Variants in B3GAT2 observed in about 807,000 individuals in gnomAD.
B3GAT2 encodes the protein galactosylgalactosylxylosylprotein 3-beta-glucuronosyltransferase 2.
In B3GAT2, 26 loss-of-function variants were observed where a neutral mutation model predicts 27.8. The observed-to-expected ratio is 0.93, with a 90% CI of 0.68 to 1.30. The LOEUF is 1.30. Ranked by LOEUF, B3GAT2 falls within the 50% of genes most tolerant of loss-of-function variation. The probability of loss-of-function intolerance (pLI) is 0.00; values close to 1 mark genes in which losing one functional copy is unlikely to be tolerated. For missense variants in B3GAT2, 458 were observed against 459.0 expected (o/e 1.00, Z 0.02); for synonymous variants, 218 against 195.1 (o/e 1.12, Z -0.98).
Position 70,861,628 on chromosome 6 carries a change from C to T in B3GAT2, c.*35G>A, listed in dbSNP as rs754878228. The T allele has an allele frequency of 3.8e-6, 6 of 1,589,884 alleles. No individual in the cohort carries two copies. The highest frequency in any genetic ancestry group is 5.2e-6 in the Non-Finnish European group (6 of 1,159,724). On this transcript the variant is annotated 3_prime_UTR_variant, in exon 4 of 4. Transcript: ENST00000230053. ...AAACATCCTCTTCCATATGGATCCA[C>T]TGGCTGGACAAACTGCACCAGTTGC...
chr6:70,932,465 A>C (rs563814340), intron 1 of B3GAT2, among the ~76,000 whole-genome samples: 13 of 152,324 alleles, frequency 8.5e-5, no homozygotes, highest in African/African-American at 3.1e-4. Context: ...ATTCAGCCCC[A>C]AAAAGGAATT....
At position 70,858,287 on chromosome 6, in the gene B3GAT2, CTTTTTTTTTTT is replaced by C. The variant is rs68188898; in HGVS notation, c.*3365_*3375del. Reference sequence around the variant, plus strand: ...ATCAAACCAGATTTATTTTCTAAATCTTTTTTTTTTTTTTTTTTTTTTTTTTTTAAGTCTAG... The same window carrying C: ...ATCAAACCAGATTTATTTTCTAAATCTTTTTTTTTTTTTTTTTAAGTCTAG... On this transcript the variant is annotated 3_prime_UTR_variant, in exon 4 of 4. Transcript: ENST00000230053. The C allele has an allele frequency of 0.018, 5,309 of 290,270 alleles. 58 individuals are homozygous for C. The highest frequency in any genetic ancestry group is 0.026 in the Non-Finnish European group (4,623 of 176,942). 18.0% of individuals were successfully genotyped at this position (290,270 alleles called of 1,614,324 possible). A position where few individuals can be genotyped will look rare whatever the true frequency, so the allele number is the denominator to read the frequency against.
intron 1 of B3GAT2, among the ~76,000 whole-genome samples, chr6:70,936,298 A>T (rs550508975): frequency 2.6e-5 from 4 of 152,154 alleles, no homozygotes; most frequent in Non-Finnish European, 5.9e-5. Flanking sequence ...CCAAACAATA[A>T]TAATGGGAGA....
chr6:70,914,858 A>C (rs915579346), intron 1 of B3GAT2, among the ~76,000 whole-genome samples: 4 of 152,192 alleles, frequency 2.6e-5, no homozygotes, highest in Admixed American at 2.6e-4. Flanking sequence ...TAGTGCTGCA[A>C]TAAACATATG....
At chr6:70,890,343 A>G (rs1345362078) in intron 2 of B3GAT2, among the ~76,000 whole-genome samples, 2 of 152,068 alleles carry the variant, frequency 1.3e-5, no homozygotes, top group Admixed American at 1.3e-4. Flanking sequence ...GAGCACATCC[A>G]TCCCCAGGGC....
Position 70,860,472 on chromosome 6 carries a change from T to C in B3GAT2, c.*1191A>G. On this transcript the variant is annotated 3_prime_UTR_variant, in exon 4 of 4. Coordinates refer to ENST00000230053, the MANE Select transcript of B3GAT2 (RefSeq NM_080742.3). ...ATATTAAGAATGATCTGATTGACCG[T>C]GTTGGTCTGTACTGATTCAATTTGA... The C allele has an allele frequency of 9.5e-7, 1 of 1,052,738 alleles. No homozygotes were observed. The allele number at this position is 1,052,738 out of a possible 1,614,324, so 65.2% of individuals were successfully genotyped here. A position where few individuals can be genotyped will look rare whatever the true frequency, so the allele number is the denominator to read the frequency against.
intron 1 of B3GAT2, among the ~76,000 whole-genome samples, chr6:70,902,076 T>C (rs1393843430): frequency 1.3e-5 from 2 of 152,214 alleles, no homozygotes; most frequent in South Asian, 2.1e-4. Context: ...CTTTAGGTCA[T>C]ATGTATTTGT....
chr6:70,933,406 T>G (rs1773090954), intron 1 of B3GAT2, among the ~76,000 whole-genome samples: 2 of 152,058 alleles, frequency 1.3e-5, no homozygotes, highest in African/African-American at 4.8e-5. Flanking sequence ...TAAAATAAAT[T>G]TTCATTAATG....
At chr6:70,905,903 GTA>G (rs1772594014) in intron 1 of B3GAT2, among the ~76,000 whole-genome samples, 2 of 143,346 alleles carry the variant, frequency 1.4e-5, no homozygotes, top group East Asian at 2.0e-4. Flanking sequence ...GTGTGTGTGT[GTA>G]TGTGTGTGTG....
chr6:70,929,722 G>A (rs1582387863), intron 1 of B3GAT2, among the ~76,000 whole-genome samples: 1 of 152,190 alleles, frequency 6.6e-6, no homozygotes, highest in Non-Finnish European at 1.5e-5. Context: ...AACATTCCAT[G>A]CTTATGGATA....
Position 70,894,267 on chromosome 6 carries a change from T to C in B3GAT2, c.597A>G (p.Arg199=), listed in dbSNP as rs533685012. 8 of 1,576,636 alleles carry C rather than the reference T, an allele frequency of 5.1e-6. No individual in the cohort carries two copies. The South Asian group carries it at 8.1e-5, about 16-fold the overall frequency. The part of the protein sequence containing the change: ...TYSLELFQEM[R]TTRKVSVWPV... ...GCCAGACGGAGACCTTGCGGGTGGT[T>C]CGCATCTATAAAAAGGGAAAAGACA... The change falls in exon 2 of 4, where the codon CGA becomes CGG. Residue 199 remains arginine, a synonymous_variant. Coordinates refer to ENST00000230053, the MANE Select transcript of B3GAT2 (RefSeq NM_080742.3).
At chr6:70,873,344 C>T (rs1033224544) in intron 2 of B3GAT2, among the ~76,000 whole-genome samples, 1 of 143,760 alleles carries the variant, frequency 7.0e-6, no homozygotes, top group African/African-American at 2.5e-5. Flanking sequence ...CTTGGTTGAT[C>T]TTTCTTTTTT....
At chr6:70,935,067 G>A (rs997214870) in intron 1 of B3GAT2, among the ~76,000 whole-genome samples, 12 of 151,906 alleles carry the variant, frequency 7.9e-5, no homozygotes, top group African/African-American at 2.4e-4. Flanking sequence ...TGTGTAATAG[G>A]GAGATGACTT....
chr6:70,922,655 G>A (rs1772887909), intron 1 of B3GAT2, among the ~76,000 whole-genome samples: 1 of 151,812 alleles, frequency 6.6e-6, no homozygotes, highest in African/African-American at 2.4e-5. Flanking sequence ...AAATATGTGG[G>A]ATGCAACAAA....
In B3GAT2 at chr6:70,859,369, G is replaced by A. The variant is rs1000898335; in HGVS notation, c.*2294C>T. The stretch of plus-strand genomic sequence containing the variant: ...GATGCTGTTCTCCAGCACTCCATCA[G>A]TGCAATCTACTGGCCAATGACAAGG... On this transcript the variant is annotated 3_prime_UTR_variant, in exon 4 of 4. Transcript: ENST00000230053. The A allele has an allele frequency of 2.6e-6, 4 of 1,549,092 alleles. No individual in the cohort carries two copies. The highest frequency in any genetic ancestry group is 2.0e-5 in the Admixed American group (1 of 50,726).
At chr6:70,913,477 A>C (rs1170584044) in intron 1 of B3GAT2, among the ~76,000 whole-genome samples, 1 of 152,146 alleles carries the variant, frequency 6.6e-6, no homozygotes. Flanking sequence ...GTCATTCAGG[A>C]GCAGGTTGTT....
intron 1 of B3GAT2, among the ~76,000 whole-genome samples, chr6:70,940,480 A>G (rs947808060): frequency 2.6e-5 from 4 of 152,030 alleles, no homozygotes; most frequent in Non-Finnish European, 5.9e-5. Flanking sequence ...TACTGCTTCT[A>G]ATCATGTGCT....
At chr6:70,947,446 C>T (rs373053955) in intron 1 of B3GAT2, among the ~76,000 whole-genome samples, 15 of 152,138 alleles carry the variant, frequency 9.9e-5, no homozygotes, top group East Asian at 3.9e-4. Context: ...GAGAATACTA[C>T]AAACACCTCT....
In B3GAT2 at chr6:70,860,412, A is replaced by G. The variant is rs1771665064; in HGVS notation, c.*1251T>C. The G allele has an allele frequency of 3.3e-6, 5 of 1,504,800 alleles. No homozygotes were observed. Among genetic ancestry groups the G allele is most frequent in the Admixed American group, 2.2e-5 (1 of 44,566 alleles). 93.2% of individuals were successfully genotyped at this position (1,504,800 alleles called of 1,614,324 possible). On this transcript the variant is annotated 3_prime_UTR_variant, in exon 4 of 4. Coordinates refer to ENST00000230053, the MANE Select transcript of B3GAT2 (RefSeq NM_080742.3). The stretch of plus-strand genomic sequence containing the variant: ...ACGCATCTAGTTCCCCTGTTTATTC[A>G]TATGCATATTTTTTTTCTTTTTACC...
Sources: gnomAD v4.1 joint callset for allele counts (sites outside exome capture counted in the v4.1 genomes callset) on GRCh38, gnomAD v4.1.1 for gene constraint, MANE v1.5 for transcripts, NCBI Gene and HGNC (gene_info 2026-07-23, HGNC 2026-07-21) for gene names.